Variants in MAPK8 observed in about 807,000 individuals in gnomAD.
MAPK8 encodes the protein JUN N-terminal kinase.
In MAPK8, 13 loss-of-function variants were observed where a neutral mutation model predicts 52.9. The ratio of observed to expected loss-of-function variants is 0.25; its 90% CI spans 0.16 to 0.39. The LOEUF (loss-of-function observed/expected upper bound fraction) is 0.39. Among genes scored for constraint, MAPK8 ranks in the 10% least tolerant of loss-of-function variants. MAPK8 has a pLI of 1.00. For synonymous variants in MAPK8, 191 were observed against 169.8 expected (o/e 1.12, Z -0.97); for missense variants, 300 against 519.2 (o/e 0.58, Z 4.10).
intron 1 of MAPK8, among the ~76,000 whole-genome samples, chr10:48,321,686 G>T (rs1031354155): frequency 6.6e-6 from 1 of 152,100 alleles, no homozygotes. Flanking sequence ...ATTTTATGGT[G>T]TATGGTATAA....
intron 1 of MAPK8, among the ~76,000 whole-genome samples, chr10:48,335,899 T>G (rs567790181): frequency 1.3e-5 from 2 of 152,334 alleles, no homozygotes; most frequent in African/African-American, 4.8e-5. Flanking sequence ...TAAAATCCAT[T>G]TGTCTATCTT....
intron 1 of MAPK8, 92 bp from the exon 2 acceptor site, chr10:48,401,518 CTG>C (rs2042158103): frequency 2.9e-6 from 2 of 694,058 alleles, no homozygotes; most frequent in Admixed American, 3.2e-5. Flanking sequence ...ATCTAGCAGT[CTG>C]TGTTACTATC....
At chr10:48,318,885 G>C (rs1842740522) in intron 1 of MAPK8, among the ~76,000 whole-genome samples, 1 of 152,184 alleles carries the variant, frequency 6.6e-6, no homozygotes, top group African/African-American at 2.4e-5. Flanking sequence ...AATTTCAGAA[G>C]GCCAAGTAAA....
intron 1 of MAPK8, among the ~76,000 whole-genome samples, chr10:48,330,691 G>T (rs748039886): frequency 1.1e-4 from 17 of 152,188 alleles, no homozygotes; most frequent in Non-Finnish European, 2.2e-4. Flanking sequence ...CTCCTAGCAC[G>T]CAGGTCTCTT....
Position 48,319,651 on chromosome 10 carries a change from G to C in MAPK8, c.-50+12830G>C, listed in dbSNP as rs1282513298. 3.3e-5 allele frequency among the ~76,000 whole-genome samples: 5 copies of C among 151,718 alleles called. No homozygotes were observed. The South Asian group carries it at 8.3e-4, about 25-fold the overall frequency. On this transcript the variant is annotated intron_variant, in intron 1 of 11. Coordinates refer to ENST00000374189, the MANE Select transcript of MAPK8 (RefSeq NM_001323329.2). ...ATTACAGGTGCCTGCCACTAGGCCT[G>C]GCTAATTTTTTTGTATTTTTAGTAG...
chr10:48,406,304 C>T (rs1381725593), intron 3 of MAPK8, among the ~76,000 whole-genome samples: 1 of 152,188 alleles, frequency 6.6e-6, no homozygotes, highest in Non-Finnish European at 1.5e-5. Context: ...TGGTGGCATC[C>T]TGTCCATGGA....
At chr10:48,422,982 A>T (rs1421836839) in intron 6 of MAPK8, among the ~76,000 whole-genome samples, 1 of 152,148 alleles carries the variant, frequency 6.6e-6, no homozygotes. Context: ...GCCGTTTTCC[A>T]CTTGTCATTT....
At chr10:48,407,568 G>A (rs2042539382) in intron 3 of MAPK8, among the ~76,000 whole-genome samples, 2 of 151,940 alleles carry the variant, frequency 1.3e-5, no homozygotes, top group East Asian at 1.9e-4. Context: ...TTGAAAAATG[G>A]GACAACTATC....
At chr10:48,349,202 A>G (rs1230972201) in intron 1 of MAPK8, among the ~76,000 whole-genome samples, 2 of 152,296 alleles carry the variant, frequency 1.3e-5, no homozygotes, top group South Asian at 2.1e-4. Context: ...CCAACTGTCA[A>G]TATCAGACAG....
intron 1 of MAPK8, among the ~76,000 whole-genome samples, chr10:48,339,805 G>A (rs1490204155): frequency 6.6e-6 from 1 of 152,124 alleles, no homozygotes; most frequent in Admixed American, 6.6e-5. Context: ...GAAATAATGT[G>A]CAACATCACT....
chr10:48,348,873 C>G (rs1469133348), intron 1 of MAPK8, among the ~76,000 whole-genome samples: 1 of 149,782 alleles, frequency 6.7e-6, no homozygotes, highest in Non-Finnish European at 1.5e-5. Context: ...TATACGGGCT[C>G]TTTTTTGGGC....
At chr10:48,357,543 C>T (rs893556903) in intron 1 of MAPK8, among the ~76,000 whole-genome samples, 1 of 152,026 alleles carries the variant, frequency 6.6e-6, no homozygotes, top group African/African-American at 2.4e-5. Flanking sequence ...ACTATAGATA[C>T]ATGCCACCAC....
At chr10:48,422,476 G>T (rs1313504260) in intron 6 of MAPK8, among the ~76,000 whole-genome samples, 1 of 152,210 alleles carries the variant, frequency 6.6e-6, no homozygotes, top group African/African-American at 2.4e-5. Flanking sequence ...GCATGAATCA[G>T]ACTTATGTTC....
chr10:48,408,297 TGCTGAA>T (rs2042573496), intron 3 of MAPK8, among the ~76,000 whole-genome samples: 1 of 152,174 alleles, frequency 6.6e-6, no homozygotes, highest in Non-Finnish European at 1.5e-5. Context: ...GATTACAGTG[TGCTGAA>T]TACCATAACA....
chr10:48,353,117 C>CAT (rs1315401343), intron 1 of MAPK8, among the ~76,000 whole-genome samples: 15 of 152,282 alleles, frequency 9.9e-5, no homozygotes, highest in Admixed American at 7.2e-4. Flanking sequence ...AATGGAAAGA[C>CAT]ATACTGTGCT....
chr10:48,429,742 A>G (rs1443399259), intron 10 of MAPK8, among the ~76,000 whole-genome samples: 1 of 152,158 alleles, frequency 6.6e-6, no homozygotes, highest in African/African-American at 2.4e-5. Context: ...ACTATAGCAA[A>G]CAAACTTATC....
Position 48,423,984 on chromosome 10 carries a change from T to G in MAPK8, c.617-104T>G, listed in dbSNP as rs915872993. 24 of 673,270 alleles carry G rather than the reference T, an allele frequency of 3.6e-5. No individual in the cohort carries two copies. The African/African-American group carries it at 4.4e-4, about 12-fold the overall frequency. 41.7% of individuals were successfully genotyped at this position (673,270 alleles called of 1,614,324 possible). On this transcript the variant is annotated intron_variant, in intron 6 of 11. Coordinates refer to ENST00000374189, the MANE Select transcript of MAPK8 (RefSeq NM_001323329.2). ...TAAAGTTACAATCACTTTTTTTCTT[T>G]TCGTGACGTTTTGCAGTTTTTATAT...
At chr10:48,405,272 C>T (rs929612633) in intron 3 of MAPK8, among the ~76,000 whole-genome samples, 1 of 152,106 alleles carries the variant, frequency 6.6e-6, no homozygotes, top group African/African-American at 2.4e-5. Flanking sequence ...TCAGCTTGAT[C>T]TCATCTTCTG....
Position 48,366,196 on chromosome 10 carries a change from A to G in MAPK8, c.-49-35416A>G, listed in dbSNP as rs529021587. Among the ~76,000 whole-genome samples the G allele has an allele frequency of 9.3e-4, 141 of 151,878 alleles. 1 individual carries two copies. Among genetic ancestry groups the G allele is most frequent in the Middle Eastern group, 3.4e-3 (1 of 294 alleles). On this transcript the variant is annotated intron_variant, in intron 1 of 11. Transcript: ENST00000374189. ...TTTATGAGTATTTTTTTCCTATGGGAAAAAAAATAACTTTGGTGATGCAGT... is the reference window on the plus strand; with the variant it reads ...TTTATGAGTATTTTTTTCCTATGGGGAAAAAAATAACTTTGGTGATGCAGT...
Sources: allele counts gnomAD v4.1 joint callset (sites outside exome capture counted in the v4.1 genomes callset), GRCh38; gene constraint gnomAD v4.1.1; transcripts MANE v1.5; gene names NCBI Gene and HGNC (gene_info 2026-07-23, HGNC 2026-07-21).